Variants in IFT52 observed in about 807,000 individuals in gnomAD.
IFT52 encodes the protein intraflagellar transport protein 52 homolog.
In IFT52, 44 loss-of-function variants were observed where a neutral mutation model predicts 54.4. The ratio of observed to expected loss-of-function variants is 0.81; its 90% CI spans 0.63 to 1.04. The LOEUF (loss-of-function observed/expected upper bound fraction) is 1.04, where lower values mean the gene tolerates loss of function less well. Ranked by LOEUF, IFT52 falls within the 50% of genes least tolerant of loss-of-function variation. The pLI is 0.00. For missense variants in IFT52, 452 were observed against 523.6 expected (o/e 0.86, Z 1.33); for synonymous variants, 181 against 185.3 (o/e 0.98, Z 0.19).
At chr20:43,606,525 C>T (rs1337248499) in intron 6 of IFT52, among the ~76,000 whole-genome samples, 13 of 151,726 alleles carry the variant, frequency 8.6e-5, no homozygotes, top group African/African-American at 2.7e-4. Flanking sequence ...CCACCTGCCT[C>T]GGCCTCCCAA....
At chr20:43,612,008 T>A (rs1983488191) in intron 6 of IFT52, among the ~76,000 whole-genome samples, 1 of 151,550 alleles carries the variant, frequency 6.6e-6, no homozygotes, top group Admixed American at 6.6e-5. Context: ...CCAGCCTGGG[T>A]GATAAGAGCA....
chr20:43,619,910 C>CTTTTTTT lies in IFT52; in HGVS notation c.699+902_699+908dup, dbSNP rs11482384. ...CATTATGGGAGATCTAGATATTCTA[C>CTTTTTTT]TTTTTTTTTTTTTTTTTTTTTTTTG... On this transcript the variant is annotated intron_variant, in intron 8 of 13. Transcript: ENST00000373030. Among the ~76,000 whole-genome samples, 106 of 82,774 alleles carry CTTTTTTT rather than the reference C, an allele frequency of 1.3e-3. 1 individual carries two copies. Among genetic ancestry groups the CTTTTTTT allele is most frequent in the East Asian group, 1.7e-3 (4 of 2,418 alleles). 54.3% of individuals were successfully genotyped at this position (82,774 alleles called of 152,430 possible). A position where few individuals can be genotyped will look rare whatever the true frequency, so the allele number is the denominator to read the frequency against.
chr20:43,615,962 G>A (rs1379556422), intron 7 of IFT52, among the ~76,000 whole-genome samples: 2 of 151,976 alleles, frequency 1.3e-5, no homozygotes, highest in Admixed American at 1.3e-4. Flanking sequence ...TGAAAAATTA[G>A]CCAGGCACGG....
Position 43,613,869 on chromosome 20 carries a change from C to G in IFT52, c.505C>G (p.Pro169Ala). ...NNAQALTFVY[P>A]FGATLSVMKP... ...TTACAGGGCTCTCACCTTTGTGTAT[C>G]CTTTTGGTGCCACATTGAGTGTCAT... Residue 169 changes from proline to alanine, a missense_variant, in exon 7 of 14, where the codon CCT becomes GCT. By Grantham distance (27) the Pro-to-Ala change is conservative. Coordinates refer to ENST00000373030, the MANE Select transcript of IFT52 (RefSeq NM_016004.5). The G allele has an allele frequency of 6.2e-7, 1 of 1,613,970 alleles. No individual in the cohort carries two copies. Among genetic ancestry groups the G allele is most frequent in the Non-Finnish European group, 8.5e-7 (1 of 1,179,878 alleles).
intron 7 of IFT52, among the ~76,000 whole-genome samples, chr20:43,615,362 C>T (rs1159765149): frequency 1.3e-5 from 2 of 151,730 alleles, no homozygotes; most frequent in Admixed American, 6.6e-5. Flanking sequence ...TTTTAATTCA[C>T]ATTTTGCTGA....
In IFT52 at chr20:43,628,117, C is replaced by T. The variant is rs565467084; in HGVS notation, c.923+4072C>T. On this transcript the variant is annotated intron_variant, in intron 10 of 13. Coordinates refer to ENST00000373030, the MANE Select transcript of IFT52 (RefSeq NM_016004.5). ...CTAATTGTTGTATTTTTAGTAGAGA[C>T]GGGGTTTCACCATATTGGTCAGGCT... Among the ~76,000 whole-genome samples the T allele has an allele frequency of 1.2e-3, 176 of 151,722 alleles. 1 individual carries two copies. The highest frequency in any genetic ancestry group is 3.4e-3 in the Middle Eastern group (1 of 292).
chr20:43,608,954 G>T (rs1230617270), intron 6 of IFT52, among the ~76,000 whole-genome samples: 2 of 151,744 alleles, frequency 1.3e-5, no homozygotes, highest in African/African-American at 4.8e-5. Flanking sequence ...TAATGTGATT[G>T]GCTGTGTGCA....
chr20:43,636,369 G>A (rs1985540115), intron 11 of IFT52, among the ~76,000 whole-genome samples: 1 of 152,176 alleles, frequency 6.6e-6, no homozygotes, highest in Admixed American at 6.5e-5. Flanking sequence ...AATTCTCACA[G>A]CCCAGGGGAT....
intron 10 of IFT52, among the ~76,000 whole-genome samples, chr20:43,629,011 A>C (rs995229384): frequency 6.6e-6 from 1 of 152,168 alleles, no homozygotes; most frequent in African/African-American, 2.4e-5. Context: ...ACAAACCAGT[A>C]GAGTGGTATG....
rs140308372 is a variant in IFT52, at chr20:43,639,266, G to T, written c.1120+2013G>T. Among the ~76,000 whole-genome samples, 5 of 149,790 alleles carry T rather than the reference G, an allele frequency of 3.3e-5. No individual in the cohort carries two copies. In the East Asian group the frequency reaches 9.7e-4, roughly 29 times the overall value. ...AAAAAAAAAAAAATTGCCTGAGCAC[G>T]GTGGATCATGCCTATAATCTGAACA... is the stretch of plus-strand genomic sequence containing the variant. On this transcript the variant is annotated intron_variant, in intron 12 of 13. Transcript: ENST00000373030.
chr20:43,646,431 G>C (rs1030642155), intron 13 of IFT52, among the ~76,000 whole-genome samples: 4 of 152,156 alleles, frequency 2.6e-5, no homozygotes, highest in Non-Finnish European at 5.9e-5. Flanking sequence ...GGAGGCTGGG[G>C]CCATAGCAGT....
chr20:43,625,839 A>G (rs1334204210), intron 10 of IFT52, among the ~76,000 whole-genome samples: 1 of 151,872 alleles, frequency 6.6e-6, no homozygotes, highest in African/African-American at 2.4e-5. Flanking sequence ...GGTATGGCAT[A>G]ATGACTTCCT....
intron 10 of IFT52, among the ~76,000 whole-genome samples, chr20:43,625,307 G>A (rs550997463): frequency 2.0e-5 from 3 of 152,098 alleles, no homozygotes; most frequent in South Asian, 2.1e-4. Context: ...TCAGGCGTTC[G>A]AGACCAGCCT....
chr20:43,641,210 T>G (rs1172504899), intron 12 of IFT52, among the ~76,000 whole-genome samples: 2 of 152,018 alleles, frequency 1.3e-5, no homozygotes, highest in East Asian at 1.9e-4. Context: ...GTTTGTTTTT[T>G]GGGGTTTTGT....
At chr20:43,619,421 C>CT (rs1269445515) in intron 8 of IFT52, among the ~76,000 whole-genome samples, 3 of 152,020 alleles carry the variant, frequency 2.0e-5, no homozygotes, top group Non-Finnish European at 4.4e-5. Flanking sequence ...TGTGTTTCTT[C>CT]TTTTTTTGTT....
At chr20:43,631,844 G>A (rs567898541) in intron 10 of IFT52, among the ~76,000 whole-genome samples, 4 of 151,686 alleles carry the variant, frequency 2.6e-5, no homozygotes, top group East Asian at 1.9e-4. Context: ...GTGACTTCCC[G>A]CCTCCCTCAC....
intron 3 of IFT52, among the ~76,000 whole-genome samples, chr20:43,598,930 C>T (rs1010201196): frequency 6.6e-6 from 1 of 152,110 alleles, no homozygotes; most frequent in African/African-American, 2.4e-5. Context: ...AGGCCAAGGT[C>T]TCCTGCTGTT....
At chr20:43,610,295 A>G (rs900163253) in intron 6 of IFT52, among the ~76,000 whole-genome samples, 1 of 76,656 alleles carries the variant, frequency 1.3e-5, no homozygotes, top group African/African-American at 3.9e-5. Context: ...CCAACGCAAA[A>G]AAAAAAAAAA....
intron 10 of IFT52, among the ~76,000 whole-genome samples, chr20:43,629,426 C>T (rs1343748884): frequency 6.6e-6 from 1 of 152,172 alleles, no homozygotes; most frequent in East Asian, 1.9e-4. Context: ...GCGCCTGCCA[C>T]CACATCCAGC....
Sources: gnomAD v4.1 joint callset for allele counts (sites outside exome capture counted in the v4.1 genomes callset) on GRCh38, gnomAD v4.1.1 for gene constraint, MANE v1.5 for transcripts, NCBI Gene and HGNC (gene_info 2026-07-23, HGNC 2026-07-21) for gene names.